EML6: variants seen among roughly 807,000 people sequenced by gnomAD.
EML6 encodes the protein echinoderm microtubule-associated protein-like 6.
In EML6, 154 loss-of-function variants were observed where a neutral mutation model predicts 240.1. That is an observed-to-expected ratio of 0.64 (90% CI 0.56 to 0.73). The LOEUF is 0.73. Among genes scored for constraint, EML6 ranks in the 30% least tolerant of loss-of-function variants. The pLI is 0.00. For synonymous variants in EML6, 1,148 were observed against 899.0 expected (o/e 1.28, Z -4.95); for missense variants, 2,964 against 2,474.6 (o/e 1.20, Z -4.20).
intron 14 of EML6, 66 bp downstream of exon 14, chr2:54,866,950 G>C (rs1023299820): frequency 1.1e-6 from 1 of 934,726 alleles, no homozygotes. Flanking sequence ...ACCAACCTTA[G>C]CACCAGGCTT....
intron 17 of EML6, among the ~76,000 whole-genome samples, chr2:54,888,515 C>T (rs1478009166): frequency 6.6e-6 from 1 of 152,194 alleles, no homozygotes; most frequent in Non-Finnish European, 1.5e-5. Flanking sequence ...TTTATCCTTT[C>T]ATCCCTCCTC....
intron 17 of EML6, among the ~76,000 whole-genome samples, chr2:54,889,783 G>C (rs76933106): frequency 0.016 from 2,486 of 152,200 alleles, 75 homozygotes; most frequent in African/African-American, 0.057. Context: ...AGTTGCATTA[G>C]TTTATATGTT....
intron 21 of EML6, among the ~76,000 whole-genome samples, chr2:54,897,014 C>A (rs906271087): frequency 6.6e-6 from 1 of 152,120 alleles, no homozygotes; most frequent in Non-Finnish European, 1.5e-5. Context: ...GCTGTTCTTG[C>A]TTTTGTTGTT....
At chr2:54,937,553 TAAAAAAAAAAAAAAAAA>T (rs34682923) in intron 28 of EML6, among the ~76,000 whole-genome samples, 1 of 68,208 alleles carries the variant, frequency 1.5e-5, no homozygotes. Context: ...ACTCTGTCTT[TAAAAAAAAAAAAAAAAA>T]AAAAAAAAAA....
chr2:54,891,334 C>T (rs189729399), intron 18 of EML6, among the ~76,000 whole-genome samples, 180 bp downstream of exon 18: 11 of 152,336 alleles, frequency 7.2e-5, no homozygotes, highest in South Asian at 4.1e-4. Flanking sequence ...CTCTATATGA[C>T]GCTATGCATA....
chr2:54,860,650 T>A (rs1202648920), intron 12 of EML6, among the ~76,000 whole-genome samples: 1 of 152,206 alleles, frequency 6.6e-6, no homozygotes, highest in East Asian at 1.9e-4. Context: ...CTCAAGGAAA[T>A]GCATCCTAAA....
intron 12 of EML6, among the ~76,000 whole-genome samples, chr2:54,861,295 T>C (rs981535575): frequency 9.2e-5 from 14 of 152,210 alleles, no homozygotes; most frequent in African/African-American, 3.4e-4. Flanking sequence ...GTCTCCTTAA[T>C]GAACTAGCTC....
chr2:54,789,256 G>C (rs970744588), intron 2 of EML6, among the ~76,000 whole-genome samples: 12 of 152,234 alleles, frequency 7.9e-5, no homozygotes, highest in African/African-American at 2.9e-4. Context: ...GCTCACGCTT[G>C]TAATCCCAGC....
At chr2:54,874,141 A>C (rs1671391301) in intron 16 of EML6, among the ~76,000 whole-genome samples, 1 of 152,266 alleles carries the variant, frequency 6.6e-6, no homozygotes, top group Non-Finnish European at 1.5e-5. Context: ...AGAAGAGATT[A>C]GCAGATCAAA....
At chr2:54,833,081 T>C (rs1668961608) in intron 7 of EML6, among the ~76,000 whole-genome samples, 1 of 152,240 alleles carries the variant, frequency 6.6e-6, no homozygotes, top group African/African-American at 2.4e-5. Context: ...GCAAGAGAAT[T>C]AATCATGGCC....
At chr2:54,797,163 T>TCAAAAA (rs1669833233) in intron 2 of EML6, among the ~76,000 whole-genome samples, 1 of 19,720 alleles carries the variant, frequency 5.1e-5, no homozygotes, top group Non-Finnish European at 8.7e-5. Context: ...AGACTCCATC[T>TCAAAAA]CAAAAAAAAA....
chr2:54,886,375 C>T (rs894930431), intron 17 of EML6, among the ~76,000 whole-genome samples: 1 of 152,050 alleles, frequency 6.6e-6, no homozygotes, highest in Non-Finnish European at 1.5e-5. Context: ...CAATGTTGGC[C>T]AGGCTGGTCT....
At position 54,963,012 on chromosome 2, in the gene EML6, T is replaced by G. The variant is rs193211223; in HGVS notation, c.5157+301T>G. 2.9e-3 allele frequency among the ~76,000 whole-genome samples: 435 copies of G among 152,268 alleles called. 3 individuals carry two copies. The highest frequency in any genetic ancestry group is 0.01 in the African/African-American group (429 of 41,542). On this transcript the variant is annotated intron_variant, in intron 36 of 41. Transcript: ENST00000356458. ...ATTTAAAATGTGAAATGTTCTGAAA[T>G]GGGCCTAATGTATTTCTGTCAAAAT...
intron 38 of EML6, chr2:54,966,798 T>C (rs1357821319): frequency 2.5e-6 from 1 of 400,518 alleles, no homozygotes; most frequent in South Asian, 4.2e-5. Flanking sequence ...AGCGAGAAAA[T>C]GGATGAGAAG....
chr2:54,843,996 G>C, intron 7 of EML6, 51 bp from the exon 8 acceptor site: 1 of 1,123,578 alleles, frequency 8.9e-7, no homozygotes, highest in Non-Finnish European at 1.3e-6. Flanking sequence ...GTGTGTGTGT[G>C]TGTGTGTGAA....
chr2:54,816,200 GC>G (rs1668075116), intron 3 of EML6, among the ~76,000 whole-genome samples: 3 of 152,174 alleles, frequency 2.0e-5, no homozygotes, highest in African/African-American at 7.2e-5. Flanking sequence ...CATGTGGGTT[GC>G]ATTTTATTCT....
At chr2:54,787,306 C>T (rs1271474589) in intron 2 of EML6, among the ~76,000 whole-genome samples, 1 of 145,358 alleles carries the variant, frequency 6.9e-6, no homozygotes, top group African/African-American at 2.6e-5. Flanking sequence ...GGGGGGGGGT[C>T]TTTGTGTGAA....
At chr2:54,887,062 T>C (rs1341532382) in intron 17 of EML6, among the ~76,000 whole-genome samples, 1 of 152,214 alleles carries the variant, frequency 6.6e-6, no homozygotes, top group Non-Finnish European at 1.5e-5. Context: ...GTGATGGAAT[T>C]CCTTCCCTCC....
chr2:54,964,288 A>G (rs1558733067), intron 37 of EML6, 130 bp downstream of exon 37: 8 of 886,450 alleles, frequency 9.0e-6, no homozygotes, highest in Non-Finnish European at 6.8e-6. Flanking sequence ...GCCACCTATG[A>G]AAGAATACCT....
Sources: allele counts gnomAD v4.1 joint callset (sites outside exome capture counted in the v4.1 genomes callset), GRCh38; gene constraint gnomAD v4.1.1; transcripts MANE v1.5; gene names NCBI Gene and HGNC (gene_info 2026-07-23, HGNC 2026-07-21).